The following KCND3 variants were observed in gnomAD, a reference collection of about 807,000 sequenced individuals.
The protein encoded by KCND3 is potassium voltage-gated channel subfamily D member 3.
A neutral mutation model predicts 51.1 loss-of-function variants in KCND3; 9 were observed. The ratio of observed to expected loss-of-function variants is 0.18; its 90% CI spans 0.11 to 0.31. The LOEUF is 0.31. KCND3 is among the 10% of genes least tolerant of loss of function. The pLI is 1.00. For missense variants in KCND3, 526 were observed against 903.8 expected (o/e 0.58, Z 5.36); for synonymous variants, 349 against 368.0 (o/e 0.95, Z 0.59).
chr1:111,859,196 T>C (rs1032827637), intron 2 of KCND3, among the ~76,000 whole-genome samples: 3 of 152,254 alleles, frequency 2.0e-5, no homozygotes, highest in African/African-American at 7.2e-5. Flanking sequence ...GCTGATGCTA[T>C]GTGTCAGGCT....
chr1:111,780,086 G>A lies in KCND3; in HGVS notation c.1461+139C>T. ...ACTCCTCAGGGTCTTCCACCTGAGGGCCAGTAGATCCCATCACTACCTTTT... is the reference window on the plus strand; with the variant it reads ...ACTCCTCAGGGTCTTCCACCTGAGGACCAGTAGATCCCATCACTACCTTTT... On this transcript the variant is annotated intron_variant, in intron 5 of 7. Coordinates refer to ENST00000302127, the MANE Select transcript of KCND3 (RefSeq NM_001378969.1). The surrounding 1 kb of genome is among the most constrained non-coding windows in gnomAD (Gnocchi z 4.2). 1.1e-6 allele frequency: 1 copy of A among 949,440 alleles called. No individual in the cohort carries two copies. The highest frequency in any genetic ancestry group is 2.6e-5 in the East Asian group (1 of 38,024). The allele number at this position is 949,440 out of a possible 1,614,324, so 58.8% of individuals were successfully genotyped here. A position where few individuals can be genotyped will look rare whatever the true frequency, so the allele number is the denominator to read the frequency against.
Position 111,875,360 on chromosome 1 carries a change from T to A in KCND3, c.1107-88254A>T, listed in dbSNP as rs142919435. Among the ~76,000 whole-genome samples, 932 of 152,308 alleles carry A rather than the reference T, an allele frequency of 6.1e-3. 8 individuals carry two copies. Among genetic ancestry groups the A allele is most frequent in the African/African-American group, 0.021 (889 of 41,570 alleles). ...CTTACCGACTAGGAGACAGCCTAGA[T>A]CTATTTTCAGGTCTTGATGAAGGCA... is the stretch of plus-strand genomic sequence containing the variant. On this transcript the variant is annotated intron_variant, in intron 2 of 7. Transcript: ENST00000302127.
At chr1:111,978,673 C>T (rs1347045840) in intron 2 of KCND3, among the ~76,000 whole-genome samples, 2 of 152,172 alleles carry the variant, frequency 1.3e-5, no homozygotes, top group African/African-American at 4.8e-5. Context: ...CTGCTCACCT[C>T]CCTCCTGGGG....
intron 2 of KCND3, among the ~76,000 whole-genome samples, chr1:111,927,883 C>T (rs929488787): frequency 1.3e-5 from 2 of 152,314 alleles, no homozygotes; most frequent in South Asian, 4.1e-4. Flanking sequence ...CCCAGGCCTG[C>T]TCCTGCCGGC....
intron 2 of KCND3, among the ~76,000 whole-genome samples, chr1:111,872,621 GC>G (rs1221617145): frequency 6.6e-6 from 1 of 151,816 alleles, no homozygotes; most frequent in African/African-American, 2.4e-5. Context: ...TGGAAGGAGA[GC>G]AAAATTTTAG....
At chr1:111,887,705 A>G (rs2101753215) in intron 2 of KCND3, among the ~76,000 whole-genome samples, 1 of 152,334 alleles carries the variant, frequency 6.6e-6, no homozygotes, top group African/African-American at 2.4e-5. Flanking sequence ...TAGCTTTATC[A>G]AGTTATCTGA....
chr1:111,805,469 C>T (rs180912333), intron 2 of KCND3, among the ~76,000 whole-genome samples: 26 of 152,364 alleles, frequency 1.7e-4, no homozygotes, highest in Non-Finnish European at 2.6e-4. Context: ...AGGTTCCTTC[C>T]TGAGCCCCTC....
rs761867267 is a variant in KCND3, at chr1:111,777,095, C to T, written c.1697G>A (p.Arg566His). Reference sequence around the variant, plus strand: ...GCTGAGCTCTTGCATGCTGCGCAGGCGAGTAGCTGGCAGGTTAGAATTGGG... The same window carrying T: ...GCTGAGCTCTTGCATGCTGCGCAGGTGAGTAGCTGGCAGGTTAGAATTGGG... ...HLPNSNLPAT[R>H]LRSMQELSTI... The change falls in exon 7 of 8, where the codon CGC (arginine) becomes CAC (histidine). Residue 566 changes from arginine to histidine, a missense_variant. Physicochemically the swap from Arg to His is conservative, Grantham distance 29. Transcript: ENST00000302127. 7 of 1,613,890 alleles carry T rather than the reference C, an allele frequency of 4.3e-6. No homozygotes were observed. Among genetic ancestry groups the T allele is most frequent in the East Asian group, 2.2e-5 (1 of 44,900 alleles).
In KCND3 at chr1:111,982,368, A is replaced by G; in HGVS notation, c.359T>C (p.Phe120Ser). The change falls in exon 2 of 8, where the codon TTC becomes TCC. Residue 120 changes from phenylalanine to serine, a missense_variant. By Grantham distance (155) the Phe-to-Ser change is radical. Coordinates refer to ENST00000302127, the MANE Select transcript of KCND3 (RefSeq NM_001378969.1). The surrounding 1 kb of genome is among the most constrained non-coding windows in gnomAD (Gnocchi z 8.5). ...GATGATCTCCGGGAGGATGCCGTAG[A>G]AGGCCAGCTCGTCGTCGTAGGCAGA... is the stretch of plus-strand genomic sequence containing the variant. ...CISAYDDELA[F>S]YGILPEIIGD... is the part of the protein sequence containing the mutation. The G allele has an allele frequency of 6.2e-7, 1 of 1,614,226 alleles. No individual in the cohort carries two copies. Among genetic ancestry groups the G allele is most frequent in the Non-Finnish European group, 8.5e-7 (1 of 1,180,054 alleles).
At chr1:111,838,796 G>C (rs944757936) in intron 2 of KCND3, among the ~76,000 whole-genome samples, 4 of 152,144 alleles carry the variant, frequency 2.6e-5, no homozygotes, top group Non-Finnish European at 4.4e-5. Flanking sequence ...TGGGAAAAAG[G>C]GCTGGCACTT....
chr1:111,943,093 A>C (rs1464139707), intron 2 of KCND3, among the ~76,000 whole-genome samples: 1 of 152,080 alleles, frequency 6.6e-6, no homozygotes, highest in African/African-American at 2.4e-5. Flanking sequence ...AGAAGGGGAC[A>C]CCCAGGAGTG....
At chr1:111,910,750 T>C (rs1670902170) in intron 2 of KCND3, 1 of 152,142 alleles carries the variant, frequency 6.6e-6, no homozygotes, top group African/African-American at 2.4e-5. Context: ...GGACAGCTTC[T>C]AGAGGTCTCC....
intron 2 of KCND3, among the ~76,000 whole-genome samples, chr1:111,884,710 C>A (rs1475933336): frequency 6.6e-6 from 1 of 152,058 alleles, no homozygotes; most frequent in Non-Finnish European, 1.5e-5. Context: ...GAGGATTTTC[C>A]CTTGCCAAAA....
chr1:111,803,259 G>A lies in KCND3; in HGVS notation c.1107-16153C>T, dbSNP rs1336922241. ...GACAGTGGAGGCCTCGTTTGCCTGG[G>A]ACACCTCTGCCTCTCCACAGCCTCG... is the stretch of plus-strand genomic sequence containing the variant. On this transcript the variant is annotated intron_variant, in intron 2 of 7. Transcript: ENST00000302127. Among the ~76,000 whole-genome samples the A allele has an allele frequency of 2.0e-5, 3 of 152,186 alleles. No homozygotes were observed. The East Asian group carries it at 5.8e-4, about 29-fold the overall frequency.
intron 2 of KCND3, among the ~76,000 whole-genome samples, chr1:111,882,158 G>T (rs1243416816): frequency 6.6e-6 from 1 of 152,150 alleles, no homozygotes; most frequent in Non-Finnish European, 1.5e-5. Context: ...GGTTTTCTCT[G>T]TCTGTTTAAT....
intron 2 of KCND3, among the ~76,000 whole-genome samples, chr1:111,842,365 C>T (rs1667363655): frequency 6.6e-6 from 1 of 152,122 alleles, no homozygotes; most frequent in Non-Finnish European, 1.5e-5. Flanking sequence ...GGGGAGCAGT[C>T]ATGAGGGAAG....
At chr1:111,802,365 C>T (rs545408165) in intron 2 of KCND3, among the ~76,000 whole-genome samples, 2 of 152,346 alleles carry the variant, frequency 1.3e-5, no homozygotes, top group South Asian at 4.1e-4. Flanking sequence ...TTCACACTTG[C>T]CTGCCCCCGC....
chr1:111,960,524 G>C (rs947737947), intron 2 of KCND3, among the ~76,000 whole-genome samples: 5 of 152,228 alleles, frequency 3.3e-5, no homozygotes, highest in African/African-American at 7.2e-5. Context: ...GGCACGGACA[G>C]TTCCCAAGAG....
chr1:111,951,415 T>C (rs1947041), intron 2 of KCND3, among the ~76,000 whole-genome samples: 151,989 of 152,144 alleles, frequency 1, 75,917 homozygotes, highest in Non-Finnish European at 1. Flanking sequence ...AGTCTAAAAG[T>C]TCCCAATTTC....
Sources: gnomAD v4.1 joint callset for allele counts (sites outside exome capture counted in the v4.1 genomes callset) on GRCh38, gnomAD v4.1.1 for gene constraint, Gnocchi (gnomAD v3.1) non-coding constraint, MANE v1.5 for transcripts, NCBI Gene and HGNC (gene_info 2026-07-23, HGNC 2026-07-21) for gene names.